Variants in RORA observed in about 807,000 individuals in gnomAD.
RORA encodes RAR related orphan receptor A.
RORA carries 7 observed loss-of-function variants against 69.5 expected under a neutral mutation model. The observed-to-expected ratio is 0.10, with a 90% CI of 0.06 to 0.19. The LOEUF is 0.19. RORA is among the 10% of genes least tolerant of loss of function. The pLI is 1.00. For synonymous variants in RORA, 261 were observed against 240.8 expected (o/e 1.08, Z -0.78); for missense variants, 457 against 663.0 (o/e 0.69, Z 3.41).
chr15:60,529,424 CAA>C (rs1375853256), intron 3 of RORA: 1 of 152,138 alleles, frequency 6.6e-6, no homozygotes, highest in Non-Finnish European at 1.5e-5. Context: ...TAATGGAGAA[CAA>C]AGAGTATATG....
chr15:61,122,488 C>T (rs535764370), intron 1 of RORA, among the ~76,000 whole-genome samples: 2 of 152,170 alleles, frequency 1.3e-5, no homozygotes, highest in Non-Finnish European at 2.9e-5. Context: ...TGAGGTTACA[C>T]TGACTTCATG....
chr15:61,197,809 T>C (rs901829267), intron 1 of RORA, among the ~76,000 whole-genome samples: 2 of 152,146 alleles, frequency 1.3e-5, no homozygotes, highest in Admixed American at 6.5e-5. Flanking sequence ...ACTTCTCAGG[T>C]GTCTCTCCAT....
intron 1 of RORA, among the ~76,000 whole-genome samples, chr15:60,915,352 G>T (rs1214101459): frequency 6.6e-6 from 1 of 152,192 alleles, no homozygotes; most frequent in African/African-American, 2.4e-5. Context: ...ACAGAGTGCT[G>T]GCCCTGGAGG....
intron 1 of RORA, among the ~76,000 whole-genome samples, chr15:60,684,063 T>C (rs889353538): frequency 6.6e-6 from 1 of 152,290 alleles, no homozygotes; most frequent in African/African-American, 2.4e-5. Context: ...TTTTAGGAAA[T>C]TGTCTGGGTA....
intron 1 of RORA, among the ~76,000 whole-genome samples, chr15:61,127,183 G>A (rs922896474): frequency 1.3e-5 from 2 of 152,176 alleles, no homozygotes; most frequent in East Asian, 3.9e-4. Context: ...TGTGCCCCCT[G>A]ACCTTGAGTG....
intron 1 of RORA, among the ~76,000 whole-genome samples, chr15:60,995,380 G>C (rs1041960867): frequency 1.3e-5 from 2 of 152,160 alleles, no homozygotes; most frequent in African/African-American, 4.8e-5. Flanking sequence ...GCCAGCGCGA[G>C]GCCTCCTGGC....
chr15:61,202,496 C>T (rs993197540), intron 1 of RORA, among the ~76,000 whole-genome samples: 3 of 152,012 alleles, frequency 2.0e-5, no homozygotes, highest in Non-Finnish European at 4.4e-5. Flanking sequence ...TAAGAAGAAA[C>T]GTACAGATGA....
chr15:60,923,912 CT>C (rs1892126660), intron 1 of RORA, among the ~76,000 whole-genome samples: 1 of 152,208 alleles, frequency 6.6e-6, no homozygotes, highest in African/African-American at 2.4e-5. Context: ...GAAGCCTTCT[CT>C]TTCCCCCTTA....
intron 1 of RORA, among the ~76,000 whole-genome samples, chr15:60,789,002 C>T (rs555444191): frequency 4.6e-5 from 7 of 152,226 alleles, no homozygotes; most frequent in East Asian, 3.9e-4. Flanking sequence ...ACAGTGGCTG[C>T]GAAGCAAATA....
chr15:61,055,286 C>CA (rs2078079599), intron 1 of RORA, among the ~76,000 whole-genome samples: 1 of 152,110 alleles, frequency 6.6e-6, no homozygotes, highest in South Asian at 2.1e-4. Context: ...TGGGTTTTAA[C>CA]GTTTTTGAGG....
chr15:61,097,286 T>C (rs1287777081), intron 1 of RORA, among the ~76,000 whole-genome samples: 1 of 152,166 alleles, frequency 6.6e-6, no homozygotes, highest in Admixed American at 6.5e-5. Context: ...TGGTTAAATA[T>C]CTAAATTGTA....
At chr15:60,660,187 A>T (rs994724866) in intron 2 of RORA, among the ~76,000 whole-genome samples, 1 of 152,142 alleles carries the variant, frequency 6.6e-6, no homozygotes, top group African/African-American at 2.4e-5. Flanking sequence ...AGACGCTGAC[A>T]TTACTTAGAC....
At chr15:61,023,039 T>C (rs536380373) in intron 1 of RORA, among the ~76,000 whole-genome samples, 1 of 151,586 alleles carries the variant, frequency 6.6e-6, no homozygotes, top group East Asian at 1.9e-4. Context: ...ACAAAAAAAA[T>C]TAGCTGGGCG....
At position 60,937,874 on chromosome 15, in the gene RORA, T is replaced by C. The variant is rs547345976; in HGVS notation, c.167-259188A>G. On this transcript the variant is annotated intron_variant, in intron 1 of 10. Coordinates refer to ENST00000335670, the MANE Select transcript of RORA (RefSeq NM_134261.3). ...AGTTAGGACCAATGAAGATTCTATATGTGAAAACACAGGTTAATACAGAGC... is the reference window on the plus strand; with the variant it reads ...AGTTAGGACCAATGAAGATTCTATACGTGAAAACACAGGTTAATACAGAGC... Among the ~76,000 whole-genome samples the C allele has an allele frequency of 7.9e-5, 12 of 152,352 alleles. No homozygotes were observed. In the South Asian group the frequency reaches 2.3e-3, roughly 29 times the overall value.
At chr15:61,051,361 G>A (rs1049899447) in intron 1 of RORA, among the ~76,000 whole-genome samples, 7 of 152,158 alleles carry the variant, frequency 4.6e-5, no homozygotes, top group Admixed American at 3.9e-4. Context: ...GCAGAGATAA[G>A]CACGCTTTGT....
chr15:61,176,139 A>T (rs1596048155), intron 1 of RORA: 2 of 152,240 alleles, frequency 1.3e-5, no homozygotes, highest in African/African-American at 4.8e-5. Flanking sequence ...TGTTGAATAT[A>T]TTCCCACATC....
chr15:60,810,005 T>C (rs1357196103), intron 1 of RORA, among the ~76,000 whole-genome samples: 2 of 152,154 alleles, frequency 1.3e-5, no homozygotes, highest in African/African-American at 4.8e-5. Context: ...GTAAGGCTGT[T>C]GTGTTGTGAT....
intron 2 of RORA, among the ~76,000 whole-genome samples, chr15:60,549,634 A>G (rs892113549): frequency 1.3e-5 from 2 of 152,166 alleles, no homozygotes; most frequent in African/African-American, 4.8e-5. Context: ...GGGGATAGGT[A>G]TGTGTGTGTG....
intron 1 of RORA, among the ~76,000 whole-genome samples, chr15:60,927,859 G>A (rs891981605): frequency 6.6e-5 from 10 of 152,174 alleles, no homozygotes; most frequent in African/African-American, 2.2e-4. Flanking sequence ...CATTCAGTCC[G>A]ATGTTCTCAT....
Sources: gnomAD v4.1 joint callset for allele counts (sites outside exome capture counted in the v4.1 genomes callset) on GRCh38, gnomAD v4.1.1 for gene constraint, MANE v1.5 for transcripts, NCBI Gene and HGNC (gene_info 2026-07-23, HGNC 2026-07-21) for gene names.